DNAJA3: variants seen among roughly 807,000 people sequenced by gnomAD.
DNAJA3 encodes the protein dnaJ homolog subfamily A member 3, mitochondrial.
In DNAJA3, 29 loss-of-function variants were observed where a neutral mutation model predicts 54.9. The observed-to-expected ratio is 0.53, with a 90% CI of 0.39 to 0.72. The LOEUF (loss-of-function observed/expected upper bound fraction) is 0.72, where lower values mean the gene tolerates loss of function less well. DNAJA3 is among the 30% of genes least tolerant of loss of function. The pLI is 0.00. For missense variants in DNAJA3, 708 were observed against 639.4 expected (o/e 1.11, Z -1.16); for synonymous variants, 302 against 251.4 (o/e 1.20, Z -1.90).
intron 9 of DNAJA3, 23 bp from the exon 10 acceptor site, chr16:4,450,377 T>A (rs753625502): frequency 6.3e-7 from 1 of 1,575,510 alleles, no homozygotes; most frequent in South Asian, 1.2e-5. Context: ...AAGCCTTGGC[T>A]GCTGACTCTG....
chr16:4,448,948 G>A (rs1337201793), intron 9 of DNAJA3, 100 bp downstream of exon 9: 2 of 810,958 alleles, frequency 2.5e-6, no homozygotes, highest in Non-Finnish European at 4.1e-6. Flanking sequence ...CTGTAAGTCA[G>A]GTGGTTCCTG....
chr16:4,447,099 A>T (rs2056911868), intron 8 of DNAJA3, 85 bp downstream of exon 8: 1 of 1,504,242 alleles, frequency 6.6e-7, no homozygotes, highest in African/African-American at 1.4e-5. Flanking sequence ...AGTGGCCTGG[A>T]ACCCATGAGT....
intron 1 of DNAJA3, among the ~76,000 whole-genome samples, chr16:4,429,854 A>G (rs904163644): frequency 6.6e-6 from 1 of 151,666 alleles, no homozygotes; most frequent in South Asian, 2.1e-4. Context: ...AAAATTAGCC[A>G]ACTATGGTGG....
intron 3 of DNAJA3, among the ~76,000 whole-genome samples, chr16:4,439,856 T>C (rs1410110153): frequency 6.6e-6 from 1 of 152,140 alleles, no homozygotes; most frequent in Non-Finnish European, 1.5e-5. Flanking sequence ...TCCACCTGCT[T>C]TCTTAGTCCC....
Position 4,438,724 on chromosome 16 carries a change from G to A in DNAJA3, c.429+1239G>A, listed in dbSNP as rs1014330912. Among the ~76,000 whole-genome samples, 3 of 137,034 alleles carry A rather than the reference G, an allele frequency of 2.2e-5. No homozygotes were observed. The South Asian group carries it at 6.7e-4, about 31-fold the overall frequency. 89.9% of individuals were successfully genotyped at this position (137,034 alleles called of 152,430 possible). On this transcript the variant is annotated intron_variant, in intron 3 of 11. Coordinates refer to ENST00000262375, the MANE Select transcript of DNAJA3 (RefSeq NM_005147.6). ...ACTCCTGAGCTGAAGAGATCCTCCT[G>A]CCTCAGCCTCTCAAATTGCTAGGAT...
chr16:4,428,742 T>TA (rs980575440), intron 1 of DNAJA3, among the ~76,000 whole-genome samples: 8 of 152,100 alleles, frequency 5.3e-5, no homozygotes, highest in African/African-American at 1.9e-4. Flanking sequence ...TTTTCACAGA[T>TA]AGAGTCATCA....
At chr16:4,441,644 A>C in intron 4 of DNAJA3, 69 bp downstream of exon 4, 1 of 1,521,510 alleles carries the variant, frequency 6.6e-7, no homozygotes, top group East Asian at 2.3e-5. Flanking sequence ...TTTTTTTATC[A>C]GTTTCTGTTT....
At chr16:4,441,678 A>G in intron 4 of DNAJA3, 103 bp downstream of exon 4, 1 of 1,222,890 alleles carries the variant, frequency 8.2e-7, no homozygotes, top group East Asian at 2.4e-5. Context: ...GGCAGCTTAA[A>G]TGGAGTGATC....
chr16:4,453,282 C>T (rs1320553146), intron 10 of DNAJA3, among the ~76,000 whole-genome samples: 3 of 152,062 alleles, frequency 2.0e-5, no homozygotes, highest in South Asian at 2.1e-4. Flanking sequence ...GAGCTGACCC[C>T]GGTCTCCCAG....
At chr16:4,436,597 G>A (rs1209399002) in intron 2 of DNAJA3, among the ~76,000 whole-genome samples, 1 of 151,540 alleles carries the variant, frequency 6.6e-6, no homozygotes, top group African/African-American at 2.4e-5. Context: ...GTGCAGTGGT[G>A]CAGTCTTGGC....
At chr16:4,441,147 G>A (rs1368853469) in intron 3 of DNAJA3, 10 of 559,874 alleles carry the variant, frequency 1.8e-5, no homozygotes, top group Middle Eastern at 9.2e-4. Flanking sequence ...CGGCGGGAGA[G>A]TTCGTGAGAC....
At chr16:4,441,943 G>A (rs555383343) in intron 4 of DNAJA3, among the ~76,000 whole-genome samples, 1 of 152,304 alleles carries the variant, frequency 6.6e-6, no homozygotes, top group South Asian at 2.1e-4. Context: ...GGAAGAGAGA[G>A]GGGATATATT....
intron 2 of DNAJA3, 151 bp downstream of exon 2, chr16:4,434,668 A>T: frequency 3.0e-6 from 3 of 1,004,788 alleles, no homozygotes; most frequent in Non-Finnish European, 4.3e-6. Flanking sequence ...ACTTTGCTAG[A>T]CTGTTTTTCG....
intron 4 of DNAJA3, 39 bp downstream of exon 4, chr16:4,441,614 C>T (rs775469674): frequency 1.9e-6 from 3 of 1,604,834 alleles, no homozygotes; most frequent in Non-Finnish European, 2.6e-6. Flanking sequence ...AAATTTTAGA[C>T]TAAGTATGGG....
chr16:4,443,170 T>TGCTTGGGCCCGCCATGTCCAGGA lies in DNAJA3; in HGVS notation c.931+13_931+35dup. The stretch of plus-strand genomic sequence containing the variant: ...GATGATCCCTGTGCCTGCAGGTGGG[T>TGCTTGGGCCCGCCATGTCCAGGA]GCTTGGGCCCGCCATGTCCAGGAGC... On this transcript the variant is annotated splice_region_variant and intron_variant, in intron 6 of 11. Coordinates refer to ENST00000262375, the MANE Select transcript of DNAJA3 (RefSeq NM_005147.6). 2 of 1,613,524 alleles carry TGCTTGGGCCCGCCATGTCCAGGA rather than the reference T, an allele frequency of 1.2e-6. No homozygotes were observed. The highest frequency in any genetic ancestry group is 1.7e-6 in the Non-Finnish European group (2 of 1,179,906).
chr16:4,441,726 T>G (rs2056839137), intron 4 of DNAJA3, 151 bp downstream of exon 4: 1 of 741,690 alleles, frequency 1.3e-6, no homozygotes, highest in Non-Finnish European at 2.2e-6. Flanking sequence ...ATTTCAGTAT[T>G]TGAAAAATCG....
At position 4,449,213 on chromosome 16, in the gene DNAJA3, G is replaced by A. The variant is rs190278464; in HGVS notation, c.1241+365G>A. ...GGGTTTCACCGTGTTAGCCAGAGTGGCCTCAATCTCCTGACCTAGTGATCC... is the reference window on the plus strand; with the variant it reads ...GGGTTTCACCGTGTTAGCCAGAGTGACCTCAATCTCCTGACCTAGTGATCC... On this transcript the variant is annotated intron_variant, in intron 9 of 11. Transcript: ENST00000262375. Among the ~76,000 whole-genome samples the A allele has an allele frequency of 2.4e-3, 360 of 152,012 alleles. 2 individuals are homozygous for A. Among genetic ancestry groups the A allele is most frequent in the Non-Finnish European group, 2.7e-3 (184 of 67,984 alleles).
At position 4,448,317 on chromosome 16, in the gene DNAJA3, G is replaced by A. The variant is rs146048153; in HGVS notation, c.1126-416G>A. On this transcript the variant is annotated intron_variant, in intron 8 of 11. Coordinates refer to ENST00000262375, the MANE Select transcript of DNAJA3 (RefSeq NM_005147.6). ...TGGGATTACAGGCATGAGCCACTGC[G>A]CCCGGCCTTTTTTTTTACCCACCCC... Among the ~76,000 whole-genome samples, 282 of 146,176 alleles carry A rather than the reference G, an allele frequency of 1.9e-3. 1 individual carries two copies. Among genetic ancestry groups the A allele is most frequent in the Middle Eastern group, 4.3e-3 (1 of 230 alleles).
At chr16:4,444,547 GA>G in intron 6 of DNAJA3, 116 bp from the exon 7 acceptor site, 1 of 778,570 alleles carries the variant, frequency 1.3e-6, no homozygotes, top group Non-Finnish European at 2.2e-6. Flanking sequence ...TGTTGGCCAG[GA>G]TGGTCTCGAT....
Sources: allele counts gnomAD v4.1 joint callset (sites outside exome capture counted in the v4.1 genomes callset), GRCh38; gene constraint gnomAD v4.1.1; transcripts MANE v1.5; gene names NCBI Gene and HGNC (gene_info 2026-07-23, HGNC 2026-07-21).